RIOK3: variants seen among roughly 807,000 people sequenced by gnomAD.
The protein encoded by RIOK3 is RIO kinase 3.
In RIOK3, 40 loss-of-function variants were observed where a neutral mutation model predicts 63.5. The ratio of observed to expected loss-of-function variants is 0.63; its 90% CI spans 0.49 to 0.82. RIOK3 has a LOEUF of 0.82. Ranked by LOEUF, RIOK3 falls within the 40% of genes least tolerant of loss-of-function variation. The pLI is 0.00. For synonymous variants in RIOK3, 193 were observed against 205.0 expected (o/e 0.94, Z 0.50); for missense variants, 557 against 637.0 (o/e 0.87, Z 1.35).
rs150351287 is a variant in RIOK3 at position 23,470,161 on chromosome 18, G to A, written c.815+2635G>A. Among the ~76,000 whole-genome samples the A allele has an allele frequency of 5.2e-3, 788 of 152,172 alleles. 10 individuals are homozygous for A. Among genetic ancestry groups the A allele is most frequent in the African/African-American group, 0.018 (754 of 41,512 alleles). On this transcript the variant is annotated intron_variant, in intron 7 of 12. Transcript: ENST00000339486. ...GGGCGGATCACGAGGTCAGGAGATC[G>A]AGACGATCCTGGTTAACACGGTGAA...
At chr18:23,475,794 C>T (rs2057486388) in intron 9 of RIOK3, among the ~76,000 whole-genome samples, 1 of 152,072 alleles carries the variant, frequency 6.6e-6, no homozygotes, top group Non-Finnish European at 1.5e-5. Context: ...ACAGACTTAA[C>T]CAGGGAAGTC....
intron 7 of RIOK3, among the ~76,000 whole-genome samples, chr18:23,470,360 G>A (rs1412074460): frequency 8.1e-5 from 12 of 147,346 alleles, no homozygotes; most frequent in African/African-American, 2.0e-4. Context: ...GCAAGATTCC[G>A]TCTCAAAAAA....
At chr18:23,475,352 A>G (rs778674852) in intron 9 of RIOK3, among the ~76,000 whole-genome samples, 3 of 150,860 alleles carry the variant, frequency 2.0e-5, no homozygotes, top group East Asian at 2.0e-4. Flanking sequence ...AATCCCAGCT[A>G]CTCGGGATGC....
intron 1 of RIOK3, among the ~76,000 whole-genome samples, chr18:23,458,945 T>C (rs2057357554): frequency 6.6e-6 from 1 of 152,202 alleles, no homozygotes; most frequent in Non-Finnish European, 1.5e-5. Context: ...CTTTACTTAT[T>C]TACCTCACCC....
intron 7 of RIOK3, among the ~76,000 whole-genome samples, chr18:23,471,204 AG>A (rs528793382): frequency 1.0e-3 from 153 of 152,386 alleles, no homozygotes; most frequent in African/African-American, 3.6e-3. Context: ...TCATAGTGAC[AG>A]GCTGACTAGC....
Position 23,467,365 on chromosome 18 carries a change from GTCATTTTCACTTACAGTGCT to G in RIOK3, c.688-32_688-13del. Reference sequence around the variant, plus strand: ...CTCAGAAAATATTTTGTGATTAGCAGTCATTTTCACTTACAGTGCTTTATCTCTTGCAGGAAAAAGCAGTT... The same window carrying G: ...CTCAGAAAATATTTTGTGATTAGCAGTTATCTCTTGCAGGAAAAAGCAGTT... On this transcript the variant is annotated splice_polypyrimidine_tract_variant and intron_variant, in intron 6 of 12. Transcript: ENST00000339486. 1 of 1,580,888 alleles carries G rather than the reference GTCATTTTCACTTACAGTGCT, an allele frequency of 6.3e-7. No homozygotes were observed. Among genetic ancestry groups the G allele is most frequent in the South Asian group, 1.2e-5 (1 of 85,498 alleles).
Position 23,471,015 on chromosome 18 carries a change from G to A in RIOK3, c.816-2414G>A, listed in dbSNP as rs79267526. ...AATTGTGTCATCTGTTAACCAAATA[G>A]TTGAGCAGCTGTCAAGTACCAGGTA... On this transcript the variant is annotated intron_variant, in intron 7 of 12. Coordinates refer to ENST00000339486, the MANE Select transcript of RIOK3 (RefSeq NM_003831.5). Among the ~76,000 whole-genome samples, 1,425 of 152,302 alleles carry A rather than the reference G, an allele frequency of 9.4e-3. 27 individuals are homozygous for A. The highest frequency in any genetic ancestry group is 0.033 in the African/African-American group (1,368 of 41,554).
At chr18:23,469,910 GC>G (rs1288636846) in intron 7 of RIOK3, among the ~76,000 whole-genome samples, 1 of 152,106 alleles carries the variant, frequency 6.6e-6, no homozygotes, top group Non-Finnish European at 1.5e-5. Flanking sequence ...AAGAGCTTAA[GC>G]TTTAGCTAAA....
intron 7 of RIOK3, among the ~76,000 whole-genome samples, chr18:23,472,754 T>C (rs773052743): frequency 6.6e-6 from 1 of 152,216 alleles, no homozygotes; most frequent in Non-Finnish European, 1.5e-5. Flanking sequence ...GTCCTGTCCT[T>C]TAGCTCCAAT....
At position 23,458,331 on chromosome 18, in the gene RIOK3, T is replaced by C. The variant is rs1005621882; in HGVS notation, c.64-4633T>C. Among the ~76,000 whole-genome samples the C allele has an allele frequency of 4.6e-5, 7 of 152,098 alleles. No homozygotes were observed. In the East Asian group the frequency reaches 1.3e-3, roughly 29 times the overall value. ...GGAAAGGGAGATGATTCCCCACTAA[T>C]GTGCAGCCAGGCAGGTGGGGGAGAA... On this transcript the variant is annotated intron_variant, in intron 1 of 12. Transcript: ENST00000339486.
At chr18:23,463,119 G>A (rs780934701) in intron 2 of RIOK3, 40 bp downstream of exon 2, 2 of 1,345,204 alleles carry the variant, frequency 1.5e-6, no homozygotes, top group South Asian at 2.5e-5. Flanking sequence ...GCAACTTATA[G>A]CAGAGTTTTA....
rs2057533673 is a variant in RIOK3 at position 23,481,406 on chromosome 18, C to T, written c.*127C>T. On this transcript the variant is annotated 3_prime_UTR_variant, in exon 13 of 13. Coordinates refer to ENST00000339486, the MANE Select transcript of RIOK3 (RefSeq NM_003831.5). ...GCAATGGTGCTTCTGTGCTTTTCCC[C>T]CTTGTAACCCATGTGCCAGATGTGT... 1.4e-5 allele frequency: 8 copies of T among 589,082 alleles called. No individual in the cohort carries two copies. The South Asian group carries it at 1.9e-4, about 14-fold the overall frequency. The allele number at this position is 589,082 out of a possible 1,614,324, so 36.5% of individuals were successfully genotyped here.
chr18:23,468,709 TCA>T (rs2057427594), intron 7 of RIOK3, among the ~76,000 whole-genome samples: 1 of 152,228 alleles, frequency 6.6e-6, no homozygotes, highest in South Asian at 2.1e-4. Context: ...TAGAGAACAT[TCA>T]GTTTTCTACA....
At chr18:23,462,126 G>T (rs1598804872) in intron 1 of RIOK3, among the ~76,000 whole-genome samples, 1 of 131,088 alleles carries the variant, frequency 7.6e-6, no homozygotes. Flanking sequence ...AAAAAAATGT[G>T]TTGTTTGTTC....
At chr18:23,476,794 C>T (rs1162399513) in intron 9 of RIOK3, among the ~76,000 whole-genome samples, 2 of 152,028 alleles carry the variant, frequency 1.3e-5, no homozygotes, top group Non-Finnish European at 2.9e-5. Flanking sequence ...TGCCTGTAGT[C>T]CGAGCTACTT....
intron 11 of RIOK3, among the ~76,000 whole-genome samples, chr18:23,477,717 C>T (rs2057501990): frequency 2.0e-5 from 3 of 146,704 alleles, no homozygotes; most frequent in South Asian, 2.1e-4. Context: ...GAGCCAAGAA[C>T]GTGCTACTGC....
chr18:23,473,346 A>T, intron 7 of RIOK3, 83 bp from the exon 8 acceptor site: 1 of 759,678 alleles, frequency 1.3e-6, no homozygotes, highest in Non-Finnish European at 2.1e-6. Context: ...GATCTAATTT[A>T]GTGTTACAGA....
At chr18:23,455,581 C>T (rs1214510759) in intron 1 of RIOK3, among the ~76,000 whole-genome samples, 4 of 151,502 alleles carry the variant, frequency 2.6e-5, no homozygotes, top group South Asian at 2.1e-4. Flanking sequence ...TTAGTAGAGG[C>T]GGGGTTTCAC....
At chr18:23,480,329 A>G (rs2057522661) in intron 12 of RIOK3, among the ~76,000 whole-genome samples, 1 of 152,208 alleles carries the variant, frequency 6.6e-6, no homozygotes, top group African/African-American at 2.4e-5. Context: ...GAAAGATGGT[A>G]AATTCATTCT....
Sources: gnomAD v4.1 joint callset for allele counts (sites outside exome capture counted in the v4.1 genomes callset) on GRCh38, gnomAD v4.1.1 for gene constraint, MANE v1.5 for transcripts, NCBI Gene and HGNC (gene_info 2026-07-23, HGNC 2026-07-21) for gene names.